Variants in SETBP1 observed in about 807,000 individuals in gnomAD.
SETBP1 encodes SET binding protein 1, also known as SET-binding protein.
A neutral mutation model predicts 101.0 loss-of-function variants in SETBP1; 9 were observed. The ratio of observed to expected loss-of-function variants is 0.09; its 90% CI spans 0.05 to 0.16. SETBP1 has a LOEUF of 0.16. Among genes scored for constraint, SETBP1 ranks in the 10% least tolerant of loss-of-function variants. The pLI is 1.00. For synonymous variants in SETBP1, 818 were observed against 788.5 expected, an observed-to-expected ratio of 1.04 and a Z score of -0.63; for missense variants, 1,858 against 2,033.8, an observed-to-expected ratio of 0.91 and a Z score of 1.66.
chr18:44,967,328 C>G (rs895989371), intron 4 of SETBP1, among the ~76,000 whole-genome samples: 1 of 152,168 alleles, frequency 6.6e-6, no homozygotes, highest in Non-Finnish European at 1.5e-5. Context: ...GGGACTGTCA[C>G]GGCAAGAATG....
intron 4 of SETBP1, among the ~76,000 whole-genome samples, chr18:45,038,262 C>T (rs1165483799): frequency 1.3e-5 from 2 of 152,224 alleles, no homozygotes; most frequent in Non-Finnish European, 2.9e-5. Context: ...CCACCACTTC[C>T]AGGCAGCCAA....
chr18:44,988,975 G>A (rs2072297386), intron 4 of SETBP1: 1 of 152,128 alleles, frequency 6.6e-6, no homozygotes, highest in Non-Finnish European at 1.5e-5. Context: ...ACAAGTGGAA[G>A]TGCATATTAT....
intron 4 of SETBP1, among the ~76,000 whole-genome samples, chr18:44,964,493 G>A (rs1334291985): frequency 6.6e-6 from 1 of 151,682 alleles, no homozygotes; most frequent in Non-Finnish European, 1.5e-5. Context: ...GCTAAATACT[G>A]TTTTTCTATT....
intron 2 of SETBP1, among the ~76,000 whole-genome samples, chr18:44,807,886 C>G (rs979213480): frequency 1.3e-5 from 2 of 152,064 alleles, no homozygotes; most frequent in Non-Finnish European, 2.9e-5. Context: ...ACAAGCTGGA[C>G]ATGTGGGCTG....
rs1568219294 is a variant in SETBP1 at position 44,925,020 on chromosome 18, T to TG, written c.541-24861_541-24860insG. On this transcript the variant is annotated intron_variant, in intron 3 of 5. Transcript: ENST00000649279. The stretch of plus-strand genomic sequence containing the variant: ...GATCCTGTGTGAGTTTTTTTTTTTT[T>TG]TTTTTTTTTTTTTTTCACGAGAATG... 3.8e-4 allele frequency among the ~76,000 whole-genome samples: 55 copies of TG among 144,770 alleles called. 1 individual carries two copies. The highest frequency in any genetic ancestry group is 1.3e-3 in the African/African-American group (54 of 40,016). 95.0% of individuals were successfully genotyped at this position (144,770 alleles called of 152,430 possible).
intron 3 of SETBP1, among the ~76,000 whole-genome samples, chr18:44,889,411 A>G (rs1450453831): frequency 6.6e-6 from 1 of 152,182 alleles, no homozygotes; most frequent in Non-Finnish European, 1.5e-5. Context: ...GACTTGGATC[A>G]GTTAGCTTAG....
At chr18:44,863,495 C>A (rs1278461085) in intron 2 of SETBP1, among the ~76,000 whole-genome samples, 3 of 152,162 alleles carry the variant, frequency 2.0e-5, no homozygotes, top group Non-Finnish European at 4.4e-5. Flanking sequence ...GTAGGCTGTT[C>A]TGAACTTTTT....
chr18:44,987,818 A>G lies in SETBP1; in HGVS notation c.4000+34478A>G, dbSNP rs192537866. 2.8e-4 allele frequency: 43 copies of G among 152,340 alleles called. No homozygotes were observed. The East Asian group carries it at 8.1e-3, about 29-fold the overall frequency. The allele number at this position is 152,340 out of a possible 1,614,324, so 9.4% of individuals were successfully genotyped here. A position where few individuals can be genotyped will look rare whatever the true frequency, so the allele number is the denominator to read the frequency against. ...TTGTAGCACAGCAGCATGTGCCTGT[A>G]TGTATGAGAGTGTGGCCATGTGTGT... On this transcript the variant is annotated intron_variant, in intron 4 of 5. Transcript: ENST00000649279.
chr18:44,756,067 A>C (rs989857351), intron 2 of SETBP1, among the ~76,000 whole-genome samples: 4 of 151,914 alleles, frequency 2.6e-5, no homozygotes, highest in Non-Finnish European at 5.9e-5. Flanking sequence ...TACAAAAAAC[A>C]TTAGCTGGCT....
intron 3 of SETBP1, among the ~76,000 whole-genome samples, chr18:44,890,829 T>C (rs2069751313): frequency 6.6e-6 from 1 of 152,158 alleles, no homozygotes; most frequent in Admixed American, 6.6e-5. Flanking sequence ...AGAGATTAAA[T>C]GAATTGCCCA....
intron 4 of SETBP1, among the ~76,000 whole-genome samples, chr18:45,017,054 C>G (rs2072962060): frequency 6.6e-6 from 1 of 152,124 alleles, no homozygotes; most frequent in Non-Finnish European, 1.5e-5. Flanking sequence ...TGCAAATGGT[C>G]ACTAGACCGG....
At chr18:45,047,285 G>A (rs949054001) in intron 5 of SETBP1, among the ~76,000 whole-genome samples, 2 of 152,146 alleles carry the variant, frequency 1.3e-5, no homozygotes, top group African/African-American at 4.8e-5. Context: ...TTTCTATTAA[G>A]ATACTCATTT....
chr18:44,769,252 A>AT (rs1353916485), intron 2 of SETBP1, among the ~76,000 whole-genome samples: 1 of 152,152 alleles, frequency 6.6e-6, no homozygotes, highest in Non-Finnish European at 1.5e-5. Flanking sequence ...TCTTGATGCC[A>AT]TTTTTTATTT....
At position 45,066,414 on chromosome 18, in the gene SETBP1, C is replaced by T. The variant is rs1251785224; in HGVS notation, c.*2716C>T. On this transcript the variant is annotated 3_prime_UTR_variant, in exon 6 of 6. Transcript: ENST00000649279. ...CACCTACTCAGCTTCCTCTCTCCAC[C>T]ACCCAGTTCCTCCCTCAGTATCACA... 1 of 152,198 alleles carries T rather than the reference C, an allele frequency of 6.6e-6. No homozygotes were observed. Among genetic ancestry groups the T allele is most frequent in the Non-Finnish European group, 1.5e-5 (1 of 68,050 alleles). The allele number at this position is 152,198 out of a possible 1,614,324, so 9.4% of individuals were successfully genotyped here. A position where few individuals can be genotyped will look rare whatever the true frequency, so the allele number is the denominator to read the frequency against.
At chr18:45,035,631 G>C (rs1046438458) in intron 4 of SETBP1, among the ~76,000 whole-genome samples, 5 of 152,206 alleles carry the variant, frequency 3.3e-5, no homozygotes, top group Non-Finnish European at 7.3e-5. Flanking sequence ...TGCTAATCCT[G>C]TTTATGGCCT....
rs572835482 is a variant in SETBP1 at position 44,852,405 on chromosome 18, G to A, written c.487-16825G>A. Among the ~76,000 whole-genome samples, 8 of 152,266 alleles carry A rather than the reference G, an allele frequency of 5.3e-5. 1 individual carries two copies. Among genetic ancestry groups the A allele is most frequent in the Admixed American group, 2.6e-4 (4 of 15,296 alleles). ...TTGCTGCAAACATGCAGCTTGGTCC[G>A]TCCGTATTCCCATGAAGCTGGGTGT... On this transcript the variant is annotated intron_variant, in intron 2 of 5. Transcript: ENST00000649279.
At chr18:44,768,368 T>C (rs2070804500) in intron 2 of SETBP1, among the ~76,000 whole-genome samples, 1 of 152,100 alleles carries the variant, frequency 6.6e-6, no homozygotes, top group Non-Finnish European at 1.5e-5. Context: ...ATTAAATGCT[T>C]TCATGGTGTA....
intron 2 of SETBP1, among the ~76,000 whole-genome samples, chr18:44,711,025 CGTCG>C (rs1454479676): frequency 6.6e-6 from 1 of 152,072 alleles, no homozygotes; most frequent in Non-Finnish European, 1.5e-5. Flanking sequence ...AGCCACGCCA[CGTCG>C]TATGAAGTCT....
At chr18:44,993,566 C>T (rs1212893140) in intron 4 of SETBP1, among the ~76,000 whole-genome samples, 2 of 151,778 alleles carry the variant, frequency 1.3e-5, no homozygotes, top group African/African-American at 4.8e-5. Flanking sequence ...ATACATCTAA[C>T]AAAATACATA....
Sources: gnomAD v4.1 joint callset for allele counts (sites outside exome capture counted in the v4.1 genomes callset) on GRCh38, gnomAD v4.1.1 for gene constraint, MANE v1.5 for transcripts, NCBI Gene and HGNC (gene_info 2026-07-23, HGNC 2026-07-21) for gene names.